The following DGKI variants were observed in gnomAD, a reference collection of about 807,000 sequenced individuals.
The protein encoded by DGKI is DAG kinase iota.
In DGKI, 55 loss-of-function variants were observed where a neutral mutation model predicts 147.5. The ratio of observed to expected loss-of-function variants is 0.37; its 90% CI spans 0.30 to 0.47. The LOEUF (loss-of-function observed/expected upper bound fraction) is 0.47. Among genes scored for constraint, DGKI ranks in the 20% least tolerant of loss-of-function variants. The probability of loss-of-function intolerance (pLI) is 1.00; values close to 1 mark genes in which losing one functional copy is unlikely to be tolerated. For missense variants in DGKI, 1,007 were observed against 1,323.8 expected (o/e 0.76, Z 3.71); for synonymous variants, 469 against 477.1 (o/e 0.98, Z 0.22).
chr7:137,475,403 T>C (rs73445385), intron 23 of DGKI, among the ~76,000 whole-genome samples: 3,333 of 152,324 alleles, frequency 0.022, 119 homozygotes, highest in African/African-American at 0.076. Flanking sequence ...TCTTCAAGGC[T>C]GAATGTCTTC....
At chr7:137,664,377 CAAAAAAAAA>C (rs1190186766) in intron 3 of DGKI, among the ~76,000 whole-genome samples, 2 of 56,074 alleles carry the variant, frequency 3.6e-5, no homozygotes, top group South Asian at 7.3e-4. Flanking sequence ...GACTCCATCT[CAAAAAAAAA>C]AAAAAAAAAA....
chr7:137,400,898 G>C (rs1256345117), intron 30 of DGKI, among the ~76,000 whole-genome samples: 2 of 152,234 alleles, frequency 1.3e-5, no homozygotes, highest in Admixed American at 6.5e-5. Flanking sequence ...GGCAAAAGTA[G>C]CAGCCAGCTG....
chr7:137,788,128 C>A (rs1796728564), intron 1 of DGKI, among the ~76,000 whole-genome samples: 1 of 152,080 alleles, frequency 6.6e-6, no homozygotes, highest in Non-Finnish European at 1.5e-5. Flanking sequence ...AAAAGTGAGA[C>A]AGCATATTAG....
chr7:137,384,451 T>C lies in DGKI; in HGVS notation c.*6769A>G, dbSNP rs1040867493. The C allele has an allele frequency of 6.6e-6, 1 of 151,994 alleles. No homozygotes were observed. Among genetic ancestry groups the C allele is most frequent in the East Asian group, 1.9e-4 (1 of 5,184 alleles). The allele number at this position is 151,994 out of a possible 1,614,324, so 9.4% of individuals were successfully genotyped here. A position where few individuals can be genotyped will look rare whatever the true frequency, so the allele number is the denominator to read the frequency against. On this transcript the variant is annotated 3_prime_UTR_variant, in exon 33 of 33. Transcript: ENST00000614521. ...ATATTATGGAAATCTGAACAATTGA[T>C]ATAAAACATCCTTGAAGGCAATGAT...
Position 137,388,864 on chromosome 7 carries a change from C to G in DGKI, c.*2356G>C, listed in dbSNP as rs999560885. The G allele has an allele frequency of 2.0e-5, 3 of 151,418 alleles. No individual in the cohort carries two copies. The highest frequency in any genetic ancestry group is 7.3e-5 in the African/African-American group (3 of 41,144). 9.4% of individuals were successfully genotyped at this position (151,418 alleles called of 1,614,324 possible). A position where few individuals can be genotyped will look rare whatever the true frequency, so the allele number is the denominator to read the frequency against. ...CATCAGGAATCTTACAGTACCAACT[C>G]ATCATTTTTCATAACACAGATTTAT... On this transcript the variant is annotated 3_prime_UTR_variant, in exon 33 of 33. Transcript: ENST00000614521.
chr7:137,581,838 C>T lies in DGKI; in HGVS notation c.1642+12G>A, dbSNP rs1250526949. On this transcript the variant is annotated intron_variant, in intron 15 of 32. Transcript: ENST00000614521. Reference sequence around the variant, plus strand: ...TCCTCCCTGGGAGATGGAAATGGGACGTTGTCCTCACCTCTGGATTCATGG... The same window carrying T: ...TCCTCCCTGGGAGATGGAAATGGGATGTTGTCCTCACCTCTGGATTCATGG... The T allele has an allele frequency of 5.6e-6, 9 of 1,608,518 alleles. No homozygotes were observed. The highest frequency in any genetic ancestry group is 5.0e-5 in the Admixed American group (3 of 59,888).
At chr7:137,600,834 C>G (rs909705701) in intron 10 of DGKI, among the ~76,000 whole-genome samples, 1 of 152,170 alleles carries the variant, frequency 6.6e-6, no homozygotes, top group Non-Finnish European at 1.5e-5. Flanking sequence ...CATGCCTATA[C>G]TGGTTTGTTT....
intron 1 of DGKI, among the ~76,000 whole-genome samples, chr7:137,813,179 G>GC (rs374101933): frequency 1.3e-4 from 20 of 152,322 alleles, no homozygotes; most frequent in African/African-American, 4.8e-4. Flanking sequence ...TGGTGATGGT[G>GC]CTAGTGCTCA....
chr7:137,706,577 TTA>T (rs1794037707), intron 1 of DGKI, among the ~76,000 whole-genome samples: 1 of 150,248 alleles, frequency 6.7e-6, no homozygotes, highest in Non-Finnish European at 1.5e-5. Flanking sequence ...ATTTTTATTT[TTA>T]TTTTTTTTTT....
At chr7:137,454,576 T>G (rs1397551309) in intron 27 of DGKI, among the ~76,000 whole-genome samples, 1 of 152,212 alleles carries the variant, frequency 6.6e-6, no homozygotes, top group Non-Finnish European at 1.5e-5. Flanking sequence ...TTTAGCATTC[T>G]GTAGACAAAA....
chr7:137,524,360 G>A (rs1183884792), intron 20 of DGKI, among the ~76,000 whole-genome samples: 6 of 152,164 alleles, frequency 3.9e-5, no homozygotes, highest in Admixed American at 2.6e-4. Context: ...TGAAACCTGG[G>A]CATTATTTTA....
chr7:137,554,629 ATCC>A, intron 19 of DGKI, among the ~76,000 whole-genome samples: 1 of 152,174 alleles, frequency 6.6e-6, no homozygotes, highest in Middle Eastern at 3.4e-3. Context: ...CTCAAAGCAT[ATCC>A]TCCTCCTTAC....
intron 1 of DGKI, among the ~76,000 whole-genome samples, chr7:137,747,802 G>A (rs1795384661): frequency 6.6e-6 from 1 of 152,152 alleles, no homozygotes; most frequent in Non-Finnish European, 1.5e-5. Context: ...ACAACAAAGA[G>A]TAGGCAACCT....
At chr7:137,821,145 C>T (rs1383788750) in intron 1 of DGKI, among the ~76,000 whole-genome samples, 1 of 152,192 alleles carries the variant, frequency 6.6e-6, no homozygotes, top group Non-Finnish European at 1.5e-5. Flanking sequence ...AGTCTCAGGG[C>T]TTCCCAGAAA....
intron 1 of DGKI, among the ~76,000 whole-genome samples, chr7:137,797,080 G>A (rs1797056643): frequency 6.6e-6 from 1 of 152,132 alleles, no homozygotes; most frequent in African/African-American, 2.4e-5. Context: ...TAATATGCCA[G>A]CAATCTTCAA....
intron 21 of DGKI, among the ~76,000 whole-genome samples, chr7:137,494,557 A>G (rs1215271144): frequency 1.3e-5 from 2 of 152,242 alleles, no homozygotes; most frequent in Non-Finnish European, 2.9e-5. Context: ...CAAGAATTCT[A>G]TATTTAGCCA....
rs550101415 is a variant in DGKI at position 137,784,360 on chromosome 7, A to C, written c.401+62102T>G. Among the ~76,000 whole-genome samples, 360 of 152,308 alleles carry C rather than the reference A, an allele frequency of 2.4e-3. 1 individual carries two copies. The highest frequency in any genetic ancestry group is 4.1e-3 in the Non-Finnish European group (278 of 67,994). ...GCAAAACAAACTTTAAAGCAACAGC[A>C]GCTAAAAAAGACAAAGAGGGACATT... On this transcript the variant is annotated intron_variant, in intron 1 of 32. Coordinates refer to ENST00000614521, the MANE Select transcript of DGKI (RefSeq NM_001321708.2).
chr7:137,525,396 T>C (rs145495076), intron 20 of DGKI, among the ~76,000 whole-genome samples: 306 of 152,280 alleles, frequency 2.0e-3, no homozygotes, highest in African/African-American at 7.1e-3. Context: ...GATGTCCCAG[T>C]TGAGACTCAT....
chr7:137,838,566 T>A (rs2117099271), intron 1 of DGKI, among the ~76,000 whole-genome samples: 1 of 152,344 alleles, frequency 6.6e-6, no homozygotes, highest in South Asian at 2.1e-4. Flanking sequence ...TACAAAGGAA[T>A]GACACATTTT....
Sources: allele counts gnomAD v4.1 joint callset (sites outside exome capture counted in the v4.1 genomes callset), GRCh38; gene constraint gnomAD v4.1.1; transcripts MANE v1.5; gene names NCBI Gene and HGNC (gene_info 2026-07-23, HGNC 2026-07-21).